Variants in ANO1 observed in about 807,000 individuals in gnomAD.
ANO1 encodes anoctamin-1.
Under a neutral mutation model 124.0 loss-of-function variants are expected in ANO1, and 59 were observed. The ratio of observed to expected loss-of-function variants is 0.48; its 90% CI spans 0.39 to 0.59. The LOEUF (loss-of-function observed/expected upper bound fraction) is 0.59, where lower values mean the gene tolerates loss of function less well. ANO1 is among the 20% of genes least tolerant of loss of function. The probability of loss-of-function intolerance (pLI) is 0.00; values close to 1 mark genes in which losing one functional copy is unlikely to be tolerated. For synonymous variants in ANO1, 529 were observed against 532.0 expected (o/e 0.99, Z 0.08); for missense variants, 1,059 against 1,328.0 (o/e 0.80, Z 3.15).
upstream of ANO1, among the ~76,000 whole-genome samples, chr11:70,075,726 C>G (rs1379200939): frequency 1.3e-5 from 2 of 152,138 alleles, no homozygotes; most frequent in Admixed American, 1.3e-4. Context: ...CTGGGTGCAA[C>G]AGTTTATGGA....
At chr11:69,991,225 A>C (rs1169417574) in intron 1 of ANO1, among the ~76,000 whole-genome samples, 1 of 152,214 alleles carries the variant, frequency 6.6e-6, no homozygotes, top group African/African-American at 2.4e-5. Context: ...ACTGTTCTGT[A>C]GGGGTTTGCT....
intron 6 of ANO1, chr11:70,111,165 G>A (rs1411680323): frequency 4.4e-6 from 2 of 457,194 alleles, no homozygotes; most frequent in Non-Finnish European, 8.8e-6. Context: ...GCCCTTCTAA[G>A]TAAAAGGCGG....
intron 1 of ANO1, among the ~76,000 whole-genome samples, chr11:70,069,752 A>G (rs1401373568): frequency 2.6e-5 from 4 of 152,030 alleles, no homozygotes; most frequent in African/African-American, 4.8e-5. Flanking sequence ...TGGGCTCTAT[A>G]TGACTATGTG....
chr11:70,163,601 T>C (rs934608834), intron 19 of ANO1: 5 of 602,354 alleles, frequency 8.3e-6, no homozygotes, highest in African/African-American at 1.9e-5. Context: ...CTGGTTTTCT[T>C]TTCTTTTTTT....
intron 1 of ANO1, among the ~76,000 whole-genome samples, chr11:70,017,029 G>A (rs1248924539): frequency 6.6e-6 from 1 of 152,202 alleles, no homozygotes; most frequent in Non-Finnish European, 1.5e-5. Context: ...GCTGCCGGGG[G>A]CAAGGATTCC....
At chr11:70,186,711 C>T (rs2049142283) in intron 25 of ANO1, among the ~76,000 whole-genome samples, 1 of 152,152 alleles carries the variant, frequency 6.6e-6, no homozygotes, top group South Asian at 2.1e-4. Context: ...CGCAGGTGTC[C>T]CTCTAGTCTC....
chr11:70,103,443 C>T lies in ANO1; in HGVS notation c.540+279C>T, dbSNP rs949474984. ...GGTGCAGGCAGAAAAGCCCACCTCT[C>T]GGCCCCCGGGGAATTTACTGTACTT... On this transcript the variant is annotated intron_variant, in intron 3 of 25. Coordinates refer to ENST00000355303, the MANE Select transcript of ANO1 (RefSeq NM_018043.7). Among the ~76,000 whole-genome samples the T allele has an allele frequency of 6.6e-5, 10 of 152,252 alleles. No individual in the cohort carries two copies. In the East Asian group the frequency reaches 1.2e-3, roughly 18 times the overall value.
chr11:70,188,014 C>T lies in ANO1; in HGVS notation c.*10C>T, dbSNP rs371273815. On this transcript the variant is annotated 3_prime_UTR_variant, in exon 26 of 26. Transcript: ENST00000355303. ...CGGGGGCGTCCTGTAGCTATGCCAG[C>T]GGGGCTGGGCAGGCCAGCCGGGCAT... The T allele has an allele frequency of 6.4e-5, 100 of 1,551,510 alleles. 1 individual carries two copies. The highest frequency in any genetic ancestry group is 1.9e-4 in the African/African-American group (14 of 73,450).
At chr11:70,004,584 G>A (rs1856448593) in intron 1 of ANO1, among the ~76,000 whole-genome samples, 1 of 152,206 alleles carries the variant, frequency 6.6e-6, no homozygotes, top group South Asian at 2.1e-4. Context: ...AGCGTGTCGC[G>A]ACGTTACGCA....
intron 1 of ANO1, among the ~76,000 whole-genome samples, chr11:70,005,442 G>A: frequency 6.6e-6 from 1 of 152,134 alleles, no homozygotes; most frequent in Non-Finnish European, 1.5e-5. Flanking sequence ...CGTTCTTGTT[G>A]GCACACTGTC....
At chr11:70,038,043 T>C (rs945929568) in intron 1 of ANO1, among the ~76,000 whole-genome samples, 38 of 152,176 alleles carry the variant, frequency 2.5e-4, no homozygotes, top group Admixed American at 2.5e-3. Flanking sequence ...TTCCAGCACT[T>C]TGGGAGGCTG....
At chr11:70,116,675 T>C (rs2045988667) in intron 8 of ANO1, 176 bp downstream of exon 8, 4 of 594,128 alleles carry the variant, frequency 6.7e-6, no homozygotes, top group Non-Finnish European at 1.2e-5. Flanking sequence ...GAAAAGTCCG[T>C]GAGCTTTGTG....
At chr11:70,145,514 C>CT (rs1220480198) in intron 11 of ANO1, among the ~76,000 whole-genome samples, 1 of 152,132 alleles carries the variant, frequency 6.6e-6, no homozygotes, top group Non-Finnish European at 1.5e-5. Flanking sequence ...CATCTTCACC[C>CT]TCCACCCCAC....
the ANO1 span, among the ~76,000 whole-genome samples, chr11:69,979,009 T>A: frequency 6.6e-6 from 1 of 152,146 alleles, no homozygotes; most frequent in East Asian, 1.9e-4. Context: ...TTAATTAGAG[T>A]CAGTTTAATT....
intron 1 of ANO1, among the ~76,000 whole-genome samples, chr11:70,003,959 C>T (rs1554999703): frequency 6.6e-6 from 1 of 152,188 alleles, no homozygotes; most frequent in Admixed American, 6.5e-5. Context: ...CCTCTCCCCA[C>T]TTCTGGAAGA....
chr11:70,022,892 CTT>C (rs1856832693), intron 1 of ANO1, among the ~76,000 whole-genome samples: 1 of 152,128 alleles, frequency 6.6e-6, no homozygotes, highest in Non-Finnish European at 1.5e-5. Flanking sequence ...TCACAGGGAG[CTT>C]ATAAGTAAGA....
chr11:70,182,816 GA>G (rs113563814), intron 24 of ANO1, 130 bp downstream of exon 24: 24,479 of 661,850 alleles, frequency 0.037, 21 homozygotes, highest in South Asian at 0.078. Flanking sequence ...GAAGAAGAAG[GA>G]AAAAAAAAAA....
rs544060122 is a variant in ANO1, at chr11:70,091,692, G to A, written c.441+3608G>A. On this transcript the variant is annotated intron_variant, in intron 2 of 25. Coordinates refer to ENST00000355303, the MANE Select transcript of ANO1 (RefSeq NM_018043.7). ...GTGGCCAGGACTGTGCAGCAGTCAT[G>A]GAGGCCACTGGCTGTGCAGGTGTGA... Among the ~76,000 whole-genome samples the A allele has an allele frequency of 6.8e-4, 103 of 152,322 alleles. 2 individuals are homozygous for A. The highest frequency in any genetic ancestry group is 2.4e-3 in the African/African-American group (98 of 41,554).
intron 21 of ANO1, among the ~76,000 whole-genome samples, chr11:70,168,277 C>A (rs1425624335): frequency 6.6e-6 from 1 of 152,160 alleles, no homozygotes; most frequent in East Asian, 1.9e-4. Flanking sequence ...ATGTGCCCTG[C>A]TGGAATGCCC....
Sources: allele counts gnomAD v4.1 joint callset (sites outside exome capture counted in the v4.1 genomes callset), GRCh38; gene constraint gnomAD v4.1.1; transcripts MANE v1.5; gene names NCBI Gene and HGNC (gene_info 2026-07-23, HGNC 2026-07-21).